PWWP3B: variants seen among roughly 807,000 people sequenced by gnomAD.
The protein encoded by PWWP3B is PWWP domain-containing DNA repair factor 3B.
A neutral mutation model predicts 15.7 loss-of-function variants in PWWP3B; 5 were observed. The ratio of observed to expected loss-of-function variants is 0.32; its 90% CI spans 0.17 to 0.67. The LOEUF (loss-of-function observed/expected upper bound fraction) is 0.67, where lower values mean the gene tolerates loss of function less well. PWWP3B is among the 30% of genes least tolerant of loss of function. PWWP3B has a pLI of 0.74. For missense variants in PWWP3B, 519 were observed against 493.1 expected, an observed-to-expected ratio of 1.05 and a Z score of -0.50; for synonymous variants, 203 against 179.8, an observed-to-expected ratio of 1.13 and a Z score of -1.03.
chrX:106,202,088 A>T (rs1923735991), intron 2 of PWWP3B, among the ~76,000 whole-genome samples: 1 of 111,732 alleles, frequency 8.9e-6, no homozygotes, highest in Admixed American at 9.5e-5. Flanking sequence ...ATATTTAGGC[A>T]TTTATTAATT....
In PWWP3B at chrX:106,206,040, A is replaced by G; in HGVS notation, c.608A>G (p.Asn203Ser). ...CETFPSLSED[N>S]DEKENKNKID... The stretch of plus-strand genomic sequence containing the variant: ...ACTTTCCCTTCACTTTCGGAAGATA[A>G]TGATGAAAAAGAGAACAAGAATAAG... The change falls in exon 4 of 4, where the codon AAT becomes AGT. Residue 203 changes from asparagine to serine, a missense_variant. Physicochemically the swap from Asn to Ser is conservative, Grantham distance 46 (BLOSUM62 1). Transcript: ENST00000357175. The G allele has an allele frequency of 1.7e-6, 2 of 1,209,762 alleles. No individual in the cohort carries two copies. Among genetic ancestry groups the G allele is most frequent in the Non-Finnish European group, 2.2e-6 (2 of 894,383 alleles).
rs1486864530 is a variant in PWWP3B, at chrX:106,208,741, A to C, written c.*1218A>C. 2 of 123,560 alleles carry C rather than the reference A, an allele frequency of 1.6e-5. No homozygotes were observed. The highest frequency in any genetic ancestry group is 3.7e-5 in the Non-Finnish European group (2 of 53,380). The allele number at this position is 123,560 out of a possible 1,213,427, so 10.2% of individuals were successfully genotyped here. Reference sequence around the variant, plus strand: ...TGAGTTGTTTATTCTAACTTGAAATATATTTTTGTGAGAATAAATGTTAGA... The same window carrying C: ...TGAGTTGTTTATTCTAACTTGAAATCTATTTTTGTGAGAATAAATGTTAGA... On this transcript the variant is annotated 3_prime_UTR_variant, in exon 4 of 4. Coordinates refer to ENST00000357175, the MANE Select transcript of PWWP3B (RefSeq NM_001171020.2).
At chrX:106,183,107 T>C (rs1338314113) in intron 2 of PWWP3B, among the ~76,000 whole-genome samples, 1 of 110,297 alleles carries the variant, frequency 9.1e-6, no homozygotes, top group African/African-American at 3.3e-5. Flanking sequence ...TAAACTGCAG[T>C]GGGGGTAGAG....
chrX:106,200,694 A>C (rs1923646939), intron 2 of PWWP3B, among the ~76,000 whole-genome samples: 1 of 111,833 alleles, frequency 8.9e-6, no homozygotes, highest in African/African-American at 3.2e-5. Context: ...AAAGACATAA[A>C]TTTTTAAAAA....
At chrX:106,189,656 C>T (rs1251879927) in intron 2 of PWWP3B, among the ~76,000 whole-genome samples, 19 of 96,212 alleles carry the variant, frequency 2.0e-4, no homozygotes, top group African/African-American at 5.9e-4. Context: ...CTCGCTCTGT[C>T]GCCCAGGCTG....
At chrX:106,193,494 A>T (rs1923146225) in intron 2 of PWWP3B, among the ~76,000 whole-genome samples, 1 of 111,577 alleles carries the variant, frequency 9.0e-6, no homozygotes, top group African/African-American at 3.3e-5. Context: ...TCTTTATCCA[A>T]TTTGCCAGTC....
intron 2 of PWWP3B, among the ~76,000 whole-genome samples, chrX:106,199,012 T>A (rs1422109133): frequency 9.1e-6 from 1 of 110,245 alleles, no homozygotes; most frequent in South Asian, 3.8e-4. Flanking sequence ...ATTGAAAGGA[T>A]TAATTGTATA....
intron 2 of PWWP3B, among the ~76,000 whole-genome samples, chrX:106,200,647 G>A (rs1290234375): frequency 9.0e-6 from 1 of 111,445 alleles, no homozygotes; most frequent in Non-Finnish European, 1.9e-5. Flanking sequence ...GAATTTTGAT[G>A]AACAGAATGT....
intron 2 of PWWP3B, among the ~76,000 whole-genome samples, chrX:106,188,244 G>GCCCC (rs746230959): frequency 3.5e-4 from 39 of 110,367 alleles, no homozygotes; most frequent in African/African-American, 1.3e-3. Flanking sequence ...TGTTGTAGGT[G>GCCCC]CCCCCCCCAT....
intron 2 of PWWP3B, 77 bp downstream of exon 2, chrX:106,171,216 G>T (rs1921595775): frequency 8.9e-6 from 1 of 111,936 alleles, no homozygotes; most frequent in Middle Eastern, 4.6e-3. Flanking sequence ...AATGTATTTT[G>T]CTTCCGGCTC....
At chrX:106,182,324 G>C (rs1486551805) in intron 2 of PWWP3B, among the ~76,000 whole-genome samples, 2 of 111,501 alleles carry the variant, frequency 1.8e-5, no homozygotes, top group Non-Finnish European at 3.8e-5. Context: ...GGTATTAGTT[G>C]TATGGCTCTG....
chrX:106,191,685 A>G (rs12389782), intron 2 of PWWP3B, among the ~76,000 whole-genome samples: 15,787 of 110,125 alleles, frequency 0.14, 2,973 homozygotes, highest in African/African-American at 0.5. Flanking sequence ...GTTTGTCATA[A>G]ATAGCTCTTA....
intron 2 of PWWP3B, among the ~76,000 whole-genome samples, chrX:106,175,546 G>T (rs762448990): frequency 1.2e-3 from 128 of 110,895 alleles, no homozygotes; most frequent in Non-Finnish European, 8.3e-4. Context: ...GGCCACGCTG[G>T]TGTTATATTC....
chrX:106,181,071 G>T (rs189322911), intron 2 of PWWP3B, among the ~76,000 whole-genome samples: 2 of 112,023 alleles, frequency 1.8e-5, no homozygotes, highest in East Asian at 5.6e-4. Flanking sequence ...GAACTGATAA[G>T]TACCTTTATT....
chrX:106,191,122 A>T (rs1233445503), intron 2 of PWWP3B, among the ~76,000 whole-genome samples: 4 of 109,973 alleles, frequency 3.6e-5, no homozygotes, highest in African/African-American at 9.9e-5. Context: ...TTGAATCTAT[A>T]AATTACCTTG....
At chrX:106,176,910 A>G (rs1921929939) in intron 2 of PWWP3B, among the ~76,000 whole-genome samples, 3 of 112,711 alleles carry the variant, frequency 2.7e-5, no homozygotes, top group Middle Eastern at 4.6e-3. Flanking sequence ...ATAATGTATT[A>G]ATTCATTGCA....
intron 2 of PWWP3B, among the ~76,000 whole-genome samples, chrX:106,192,400 T>C (rs1419429088): frequency 2.7e-5 from 3 of 111,761 alleles, no homozygotes; most frequent in African/African-American, 9.8e-5. Context: ...CCCTTTATCA[T>C]TTTTTATTGC....
intron 2 of PWWP3B, among the ~76,000 whole-genome samples, chrX:106,171,439 T>C (rs1172820032): frequency 4.5e-5 from 5 of 111,633 alleles, no homozygotes; most frequent in Non-Finnish European, 9.4e-5. Context: ...CCCTGAGGCC[T>C]GACTCTGTAG....
At chrX:106,185,088 GC>G (rs1348429055) in intron 2 of PWWP3B, among the ~76,000 whole-genome samples, 8 of 111,828 alleles carry the variant, frequency 7.2e-5, no homozygotes, top group African/African-American at 2.6e-4. Flanking sequence ...CACTCCATTT[GC>G]CCTCCCTGTT....
Sources: allele counts gnomAD v4.1 joint callset (sites outside exome capture counted in the v4.1 genomes callset), GRCh38; gene constraint gnomAD v4.1.1; transcripts MANE v1.5; gene names NCBI Gene and HGNC (gene_info 2026-07-23, HGNC 2026-07-21).